ATRN: variants seen among roughly 807,000 people sequenced by gnomAD.
ATRN encodes the protein attractin-2.
A neutral mutation model predicts 178.7 loss-of-function variants in ATRN; 54 were observed. The ratio of observed to expected loss-of-function variants is 0.30; its 90% confidence interval spans 0.24 to 0.38. The LOEUF (loss-of-function observed/expected upper bound fraction) is 0.38. Ranked by LOEUF, ATRN falls within the 10% of genes least tolerant of loss-of-function variation. The pLI is 1.00. For missense variants in ATRN, 1,443 were observed against 1,815.1 expected (o/e 0.79, Z 3.73); for synonymous variants, 636 against 663.0 (o/e 0.96, Z 0.63).
intron 3 of ATRN, among the ~76,000 whole-genome samples, chr20:3,543,584 G>T (rs1049925148): frequency 7.9e-5 from 12 of 152,004 alleles, no homozygotes; most frequent in Admixed American, 7.9e-4. Flanking sequence ...AATCATCTGG[G>T]CATGGTGGGG....
chr20:3,545,642 C>A, intron 3 of ATRN, 120 bp from the exon 4 acceptor site: 1 of 1,287,066 alleles, frequency 7.8e-7, no homozygotes. Context: ...AGGAATTTGC[C>A]TGTCTTCCTG....
intron 1 of ATRN, among the ~76,000 whole-genome samples, chr20:3,471,898 A>T (rs2084432924): frequency 6.6e-6 from 1 of 152,178 alleles, no homozygotes; most frequent in Non-Finnish European, 1.5e-5. Context: ...CTTCCTTTTA[A>T]CATCCACATG....
chr20:3,586,346 G>A (rs2086356836), intron 18 of ATRN, among the ~76,000 whole-genome samples: 1 of 152,162 alleles, frequency 6.6e-6, no homozygotes, highest in Non-Finnish European at 1.5e-5. Flanking sequence ...ATTATGCGTT[G>A]CATGATGCCA....
In ATRN at chr20:3,591,233, G is replaced by C; in HGVS notation, c.3249G>C (p.Leu1083=). The C allele has an allele frequency of 6.2e-7, 1 of 1,614,186 alleles. No homozygotes were observed. Among genetic ancestry groups the C allele is most frequent in the Non-Finnish European group, 8.5e-7 (1 of 1,180,014 alleles). Residue 1083 remains leucine (L), a synonymous_variant, in exon 19 of 29, where the codon CTG becomes CTC. Coordinates refer to ENST00000262919, the MANE Select transcript of ATRN (RefSeq NM_139321.3). ...NQSICEKCEN[L]TTGKHCETCI... ...GCATCTGTGAGAAGTGTGAGAACCT[G>C]ACCACAGGCAAGCACTGCGAGACCT...
chr20:3,644,906 G>A (rs2087096603), intron 28 of ATRN, among the ~76,000 whole-genome samples: 1 of 152,108 alleles, frequency 6.6e-6, no homozygotes, highest in Non-Finnish European at 1.5e-5. Context: ...TGAAATGATT[G>A]TATAGATCTA....
At chr20:3,506,176 GT>G (rs893825662) in intron 1 of ATRN, among the ~76,000 whole-genome samples, 3 of 152,172 alleles carry the variant, frequency 2.0e-5, no homozygotes, top group Non-Finnish European at 4.4e-5. Flanking sequence ...CTGTACTGTA[GT>G]TTTTTAAAAT....
chr20:3,520,121 T>G (rs1056653243), intron 1 of ATRN, among the ~76,000 whole-genome samples: 1 of 152,232 alleles, frequency 6.6e-6, no homozygotes, highest in Admixed American at 6.5e-5. Context: ...ATATAAGTGC[T>G]ACATTAGACC....
Position 3,624,559 on chromosome 20 carries a change from G to T in ATRN, c.3850G>T (p.Val1284Leu), listed in dbSNP as rs75336789. The change falls in exon 25 of 29, where the codon GTG (valine) becomes TTG (leucine). Residue 1284 changes from valine (V) to leucine (L), a missense_variant. Val to Leu is a conservative substitution (Grantham distance 32). This residue lies in a region of ATRN where 289 missense variants were observed against 440.8 expected (regional missense o/e 0.66). Coordinates refer to ENST00000262919, the MANE Select transcript of ATRN (RefSeq NM_139321.3). Reference protein sequence around the residue: ...SNFMDLVQFFVTFFSCFLSLL... With the variant: ...SNFMDLVQFFLTFFSCFLSLL... ...TTTTATGGACCTGGTACAGTTCTTCGTGACTTTCTTCAGGTAATTTTGCTT... is the reference window on the plus strand; with the variant it reads ...TTTTATGGACCTGGTACAGTTCTTCTTGACTTTCTTCAGGTAATTTTGCTT... 6.2e-7 allele frequency: 1 copy of T among 1,613,720 alleles called. No homozygotes were observed. The highest frequency in any genetic ancestry group is 8.5e-7 in the Non-Finnish European group (1 of 1,179,826).
At chr20:3,492,846 G>A (rs1426893628) in intron 1 of ATRN, among the ~76,000 whole-genome samples, 3 of 131,546 alleles carry the variant, frequency 2.3e-5, no homozygotes, top group African/African-American at 1.1e-4. Context: ...GAGAGAGAGA[G>A]AGAGAGAGGC....
At chr20:3,504,460 G>T (rs1471864128) in intron 1 of ATRN, among the ~76,000 whole-genome samples, 1 of 149,244 alleles carries the variant, frequency 6.7e-6, no homozygotes, top group Non-Finnish European at 1.5e-5. Flanking sequence ...TGGATCACCT[G>T]AGGTCAGGAG....
chr20:3,576,675 A>ACCTATCTG (rs1555819421), intron 13 of ATRN, among the ~76,000 whole-genome samples, 184 bp from the exon 14 acceptor site: 1 of 58,580 alleles, frequency 1.7e-5, no homozygotes, highest in Non-Finnish European at 3.4e-5. Flanking sequence ...CAACTTATCT[A>ACCTATCTG]TCTATCTGTC....
At chr20:3,506,094 A>G (rs1753187770) in intron 1 of ATRN, among the ~76,000 whole-genome samples, 1 of 152,196 alleles carries the variant, frequency 6.6e-6, no homozygotes, top group Non-Finnish European at 1.5e-5. Context: ...ACACACACAC[A>G]AATGAGTGCA....
intron 1 of ATRN, among the ~76,000 whole-genome samples, chr20:3,529,219 T>C (rs2085415978): frequency 1.3e-5 from 2 of 152,000 alleles, no homozygotes; most frequent in African/African-American, 2.4e-5. Context: ...ATACCAAATG[T>C]GGGAACTGAT....
At chr20:3,584,287 A>G (rs1164340456) in intron 17 of ATRN, among the ~76,000 whole-genome samples, 1 of 152,170 alleles carries the variant, frequency 6.6e-6, no homozygotes. Context: ...GACAGTAAAT[A>G]AATGTAAGAT....
chr20:3,615,926 G>A lies in ATRN; in HGVS notation c.3802-8585G>A, dbSNP rs57247816. 4.6e-3 allele frequency: 1,904 copies of A among 412,840 alleles called. 26 individuals are homozygous for A. Among genetic ancestry groups the A allele is most frequent in the African/African-American group, 0.035 (1,687 of 48,592 alleles). The allele number at this position is 412,840 out of a possible 1,614,324, so 25.6% of individuals were successfully genotyped here. A position where few individuals can be genotyped will look rare whatever the true frequency, so the allele number is the denominator to read the frequency against. The stretch of plus-strand genomic sequence containing the variant: ...GGGGAAGGGGAAGGGATAGCATTAG[G>A]GGATATACCTAATGTTAAATGACGA... On this transcript the variant is annotated intron_variant, in intron 24 of 28. Coordinates refer to ENST00000262919, the MANE Select transcript of ATRN (RefSeq NM_139321.3).
At chr20:3,614,842 G>C (rs938491739) in intron 24 of ATRN, among the ~76,000 whole-genome samples, 1 of 152,034 alleles carries the variant, frequency 6.6e-6, no homozygotes, top group East Asian at 1.9e-4. Flanking sequence ...TGTCTCTGTG[G>C]ATTTGCCTAT....
chr20:3,495,163 C>T (rs781016445), intron 1 of ATRN, among the ~76,000 whole-genome samples: 30 of 151,942 alleles, frequency 2.0e-4, no homozygotes, highest in South Asian at 1.7e-3. Flanking sequence ...GTATTTCTTT[C>T]GAATTTAAGA....
At position 3,573,137 on chromosome 20, in the gene ATRN, C is replaced by A. The variant is rs142111820; in HGVS notation, c.2092+186C>A. Reference sequence around the variant, plus strand: ...TGTAAACATCTCGGATGGGAACATGCCATGTGGCTCCTAGAAGCTGTCTGC... The same window carrying A: ...TGTAAACATCTCGGATGGGAACATGACATGTGGCTCCTAGAAGCTGTCTGC... On this transcript the variant is annotated intron_variant, in intron 12 of 28. Transcript: ENST00000262919. Among the ~76,000 whole-genome samples, 34 of 152,190 alleles carry A rather than the reference C, an allele frequency of 2.2e-4. 1 individual carries two copies. The East Asian group carries it at 6.4e-3, about 28-fold the overall frequency.
chr20:3,498,362 A>G (rs988197213), intron 1 of ATRN, among the ~76,000 whole-genome samples: 1 of 152,144 alleles, frequency 6.6e-6, no homozygotes, highest in African/African-American at 2.4e-5. Flanking sequence ...TACCAAAGCC[A>G]GGCAGAGACA....
Sources: allele counts gnomAD v4.1 joint callset (sites outside exome capture counted in the v4.1 genomes callset), GRCh38; gene constraint gnomAD v4.1.1; regional missense constraint gnomAD v4.1.1; transcripts MANE v1.5; gene names NCBI Gene and HGNC (gene_info 2026-07-23, HGNC 2026-07-21).